SLC35F1: variants seen among roughly 807,000 people sequenced by gnomAD.
SLC35F1 encodes chromosome 6 open reading frame 169.
A neutral mutation model predicts 48.7 loss-of-function variants in SLC35F1; 14 were observed. That is an observed-to-expected ratio of 0.29 (90% CI 0.19 to 0.45). SLC35F1 has a LOEUF of 0.45. Among genes scored for constraint, SLC35F1 ranks in the 20% least tolerant of loss-of-function variants. The probability of loss-of-function intolerance (pLI) is 1.00; values close to 1 mark genes in which losing one functional copy is unlikely to be tolerated. For synonymous variants in SLC35F1, 190 were observed against 202.2 expected (o/e 0.94, Z 0.51); for missense variants, 404 against 500.0 (o/e 0.81, Z 1.83).
chr6:118,114,074 G>A (rs534401337), intron 1 of SLC35F1, among the ~76,000 whole-genome samples: 1 of 152,248 alleles, frequency 6.6e-6, no homozygotes, highest in South Asian at 2.1e-4. Context: ...GTATCATTTA[G>A]TTTTCACAAG....
rs1484396877 is a variant in SLC35F1, at chr6:118,150,057, A to G, written c.174-4388A>G. ...GAACCACATAACCTAGTTTGCATCCAAACTCTTCCCCTTGTTAGCTCTGTG... is the reference window on the plus strand; with the variant it reads ...GAACCACATAACCTAGTTTGCATCCGAACTCTTCCCCTTGTTAGCTCTGTG... On this transcript the variant is annotated intron_variant, in intron 1 of 7. Transcript: ENST00000360388. Among the ~76,000 whole-genome samples, 3 of 152,170 alleles carry G rather than the reference A, an allele frequency of 2.0e-5. No individual in the cohort carries two copies. The East Asian group carries it at 5.8e-4, about 29-fold the overall frequency.
chr6:118,035,361 C>T (rs1049662993), intron 1 of SLC35F1, among the ~76,000 whole-genome samples: 1 of 151,776 alleles, frequency 6.6e-6, no homozygotes, highest in Non-Finnish European at 1.5e-5. Context: ...AATTCCAGCA[C>T]TTTGAGATGC....
At chr6:118,203,112 A>G (rs1464199262) in intron 2 of SLC35F1, among the ~76,000 whole-genome samples, 1 of 152,240 alleles carries the variant, frequency 6.6e-6, no homozygotes, top group African/African-American at 2.4e-5. Flanking sequence ...CACAGCAGTC[A>G]AGATCTAATG....
chr6:118,232,462 C>T (rs927622518), intron 2 of SLC35F1, among the ~76,000 whole-genome samples: 2 of 149,344 alleles, frequency 1.3e-5, no homozygotes, highest in Non-Finnish European at 3.0e-5. Flanking sequence ...GCAGGAGAAT[C>T]GCTTGAACCC....
intron 1 of SLC35F1, among the ~76,000 whole-genome samples, chr6:118,103,944 A>G (rs756707753): frequency 9.6e-4 from 146 of 152,222 alleles, no homozygotes; most frequent in Non-Finnish European, 1.9e-3. Flanking sequence ...TTATCAGCAG[A>G]TGGCTTCTAG....
intron 1 of SLC35F1, among the ~76,000 whole-genome samples, chr6:118,092,669 C>T (rs11969878): frequency 0.29 from 44,279 of 152,118 alleles, 7,758 homozygotes; most frequent in Middle Eastern, 0.44. Context: ...TGGAGCTTCC[C>T]GAGGCCATGA....
At chr6:118,102,115 G>A (rs1773266352) in intron 1 of SLC35F1, among the ~76,000 whole-genome samples, 1 of 152,168 alleles carries the variant, frequency 6.6e-6, no homozygotes, top group Admixed American at 6.6e-5. Flanking sequence ...CTTTCATCGG[G>A]TCTAATGCTG....
intron 1 of SLC35F1, among the ~76,000 whole-genome samples, chr6:117,990,083 A>G (rs1399742511): frequency 1.3e-5 from 2 of 152,032 alleles, no homozygotes; most frequent in Non-Finnish European, 2.9e-5. Flanking sequence ...GAGAGTTTTT[A>G]TTTCCCTTGG....
At chr6:118,008,291 A>T (rs1451605498) in intron 1 of SLC35F1, among the ~76,000 whole-genome samples, 2 of 144,148 alleles carry the variant, frequency 1.4e-5, no homozygotes, top group African/African-American at 2.6e-5. Context: ...AAAAAAAAAA[A>T]GCAGCGACTA....
intron 3 of SLC35F1, among the ~76,000 whole-genome samples, chr6:118,236,169 C>T (rs1161451782): frequency 6.6e-6 from 1 of 152,062 alleles, no homozygotes; most frequent in Non-Finnish European, 1.5e-5. Context: ...GGAGTCAATT[C>T]TTAAAATGTG....
intron 1 of SLC35F1, among the ~76,000 whole-genome samples, chr6:118,058,615 C>T (rs1772494359): frequency 6.6e-6 from 1 of 152,134 alleles, no homozygotes; most frequent in African/African-American, 2.4e-5. Context: ...CTCTAGGTAG[C>T]TTGAAATAGT....
intron 1 of SLC35F1, among the ~76,000 whole-genome samples, chr6:117,996,905 C>T (rs1323078578): frequency 2.7e-4 from 41 of 152,280 alleles, no homozygotes; most frequent in Admixed American, 8.5e-4. Context: ...TCACCAGCAA[C>T]GAAACAAAGC....
chr6:118,263,294 GATCCTCCCGCCTCAGC>G (rs1775734829), intron 3 of SLC35F1, among the ~76,000 whole-genome samples: 1 of 152,084 alleles, frequency 6.6e-6, no homozygotes, highest in African/African-American at 2.4e-5. Flanking sequence ...GACCTCAAGT[GATCCTCCCGCCTCAGC>G]CTCCCAAAGT....
At chr6:118,190,107 G>A (rs145308967) in intron 2 of SLC35F1, among the ~76,000 whole-genome samples, 73 of 152,180 alleles carry the variant, frequency 4.8e-4, no homozygotes, top group African/African-American at 1.6e-3. Flanking sequence ...CCTTTTAGTC[G>A]TTTTCTTCAT....
At chr6:118,016,457 A>G (rs954462921) in intron 1 of SLC35F1, among the ~76,000 whole-genome samples, 10 of 152,238 alleles carry the variant, frequency 6.6e-5, no homozygotes, top group African/African-American at 2.4e-4. Flanking sequence ...TTCTGTAAGC[A>G]CTTTATACAT....
At position 118,286,801 on chromosome 6, in the gene SLC35F1, GTGTT is replaced by G. The variant is rs764753749; in HGVS notation, c.1002+1467_1002+1470del. On this transcript the variant is annotated intron_variant, in intron 7 of 7. Transcript: ENST00000360388. ...TGTGTGTGTGTGTGTGTGTGTGTGT[GTGTT>G]TGTGTGTGTGTGTGGTGAGAATACT... 1.8e-4 allele frequency among the ~76,000 whole-genome samples: 23 copies of G among 130,342 alleles called. No individual in the cohort carries two copies. The East Asian group carries it at 2.0e-3, about 11-fold the overall frequency. The allele number at this position is 130,342 out of a possible 152,430, so 85.5% of individuals were successfully genotyped here. A position where few individuals can be genotyped will look rare whatever the true frequency, so the allele number is the denominator to read the frequency against.
chr6:117,907,682 A>G lies in SLC35F1; in HGVS notation c.-45A>G, dbSNP rs2114789996. 1 of 1,266,188 alleles carries G rather than the reference A, an allele frequency of 7.9e-7. No homozygotes were observed. Among genetic ancestry groups the G allele is most frequent in the African/African-American group, 1.6e-5 (1 of 64,198 alleles). 78.4% of individuals were successfully genotyped at this position (1,266,188 alleles called of 1,614,324 possible). On this transcript the variant is annotated 5_prime_UTR_variant, in exon 1 of 8. Transcript: ENST00000360388. ...CGGGCCCGGAACCGGCACACGATGC[A>G]CCCGGCTGCGTTCTGATCGCCGCCG...
At chr6:118,016,265 C>T (rs545648313) in intron 1 of SLC35F1, among the ~76,000 whole-genome samples, 4 of 152,176 alleles carry the variant, frequency 2.6e-5, no homozygotes, top group Non-Finnish European at 5.9e-5. Context: ...AAGTCAGCCT[C>T]AAGGAGTCAG....
chr6:118,010,470 A>T (rs549091142), intron 1 of SLC35F1, among the ~76,000 whole-genome samples: 125 of 152,300 alleles, frequency 8.2e-4, no homozygotes, highest in African/African-American at 3.0e-3. Context: ...AAGAGAAAAT[A>T]AAAGTGGTTT....
Sources: gnomAD v4.1 joint callset for allele counts (sites outside exome capture counted in the v4.1 genomes callset) on GRCh38, gnomAD v4.1.1 for gene constraint, MANE v1.5 for transcripts, NCBI Gene and HGNC (gene_info 2026-07-23, HGNC 2026-07-21) for gene names.